EPCAM: variants seen among roughly 807,000 people sequenced by gnomAD.
EPCAM encodes epithelial cell adhesion molecule, also known as adenocarcinoma-associated antigen.
A neutral mutation model predicts 40.0 loss-of-function variants in EPCAM; 39 were observed. The ratio of observed to expected loss-of-function variants is 0.98; its 90% CI spans 0.76 to 1.27. EPCAM has a LOEUF of 1.27. Ranked by LOEUF, EPCAM falls within the 50% of genes most tolerant of loss-of-function variation. EPCAM has a pLI of 0.00. For synonymous variants in EPCAM, 168 were observed against 132.3 expected, an observed-to-expected ratio of 1.27 and a Z score of -1.85; for missense variants, 503 against 381.2, an observed-to-expected ratio of 1.32 and a Z score of -2.66.
At position 47,377,029 on chromosome 2, in the gene EPCAM, G is replaced by C. The variant is rs779059677; in HGVS notation, c.507G>C (p.Glu169Asp). ...TTCTTTACAGTGCACTTCAGAAGGAGATCACAACGCGTTATCAACTGGATC... is the reference window on the plus strand; with the variant it reads ...TTCTTTACAGTGCACTTCAGAAGGACATCACAACGCGTTATCAACTGGATC... ...SKSLRTALQK[E>D]ITTRYQLDPK... The change falls in exon 5 of 9, where the codon GAG becomes GAC. Residue 169 changes from glutamate (E) to aspartate (D), a missense_variant. Glu to Asp is a conservative substitution (Grantham distance 45). Transcript: ENST00000263735. 1 of 1,609,972 alleles carries C rather than the reference G, an allele frequency of 6.2e-7. No individual in the cohort carries two copies.
Position 47,386,732 on chromosome 2 carries a change from A to G in EPCAM, c.*119A>G, listed in dbSNP as rs947668729. 5 of 787,924 alleles carry G rather than the reference A, an allele frequency of 6.3e-6. No individual in the cohort carries two copies. The East Asian group carries it at 1.0e-4, about 16-fold the overall frequency. The allele number at this position is 787,924 out of a possible 1,614,324, so 48.8% of individuals were successfully genotyped here. A position where few individuals can be genotyped will look rare whatever the true frequency, so the allele number is the denominator to read the frequency against. ...TGAGTTTGTTAGTTTAACATCATAT[A>G]TTTGTAATAGTGAAACCTGTACTCA... On this transcript the variant is annotated 3_prime_UTR_variant, in exon 9 of 9. Transcript: ENST00000263735.
chr2:47,374,110 T>C, intron 3 of EPCAM, 62 bp downstream of exon 3: 1 of 1,567,540 alleles, frequency 6.4e-7, no homozygotes, highest in Admixed American at 1.7e-5. Context: ...ATTAAATTTA[T>C]TTTTGATTAT....
intron 8 of EPCAM, 102 bp downstream of exon 8, chr2:47,385,312 C>T: frequency 1.1e-6 from 1 of 948,648 alleles, no homozygotes; most frequent in South Asian, 1.3e-5. Context: ...TACTGGAGTC[C>T]CTTTATACTG....
At chr2:47,369,885 C>G (rs1671177499) in intron 1 of EPCAM, 1 of 500,988 alleles carries the variant, frequency 2.0e-6, no homozygotes, top group Non-Finnish European at 3.8e-6. Context: ...CCTGCGGCCA[C>G]CGAACCGGTG....
rs369607293 is a variant in EPCAM at position 47,373,803 on chromosome 2, T to C, written c.185-5T>C. The C allele has an allele frequency of 3.1e-6, 5 of 1,614,186 alleles. No individual in the cohort carries two copies. Among genetic ancestry groups the C allele is most frequent in the South Asian group, 1.1e-5 (1 of 91,088 alleles). ...TTCAGTTTGGCATTAAGGTTTCTTT[T>C]TCAGTGGCTGCCAAATGTTTGGTGA... is the stretch of plus-strand genomic sequence containing the variant. On this transcript the variant is annotated splice_polypyrimidine_tract_variant and splice_region_variant and intron_variant, in intron 2 of 8. Transcript: ENST00000263735.
At position 47,382,846 on chromosome 2, in the gene EPCAM, G is replaced by A. The variant is rs555228293; in HGVS notation, c.859-2320G>A. Among the ~76,000 whole-genome samples the A allele has an allele frequency of 3.1e-4, 47 of 152,278 alleles. No homozygotes were observed. In the East Asian group the frequency reaches 5.8e-3, roughly 19 times the overall value. On this transcript the variant is annotated intron_variant, in intron 7 of 8. Coordinates refer to ENST00000263735, the MANE Select transcript of EPCAM (RefSeq NM_002354.3). ...TTGGATCTGGAATGGTTGCTATGAT[G>A]TTGATACAAGCTGTGCACAGGTGGT...
chr2:47,383,618 T>C lies in EPCAM; in HGVS notation c.859-1548T>C, dbSNP rs1374293703. ...GTGCCCGGCTTCTTCTTTTTTTTTT[T>C]TTTTTTTTTTTTTTTTTTTTTTTTT... On this transcript the variant is annotated intron_variant, in intron 7 of 8. Coordinates refer to ENST00000263735, the MANE Select transcript of EPCAM (RefSeq NM_002354.3). 3.8e-3 allele frequency among the ~76,000 whole-genome samples: 209 copies of C among 55,240 alleles called. 4 individuals are homozygous for C. Among genetic ancestry groups the C allele is most frequent in the African/African-American group, 6.8e-3 (66 of 9,752 alleles). 36.2% of individuals were successfully genotyped at this position (55,240 alleles called of 152,430 possible).
At chr2:47,370,529 C>T (rs1342976375) in intron 1 of EPCAM, among the ~76,000 whole-genome samples, 4 of 151,566 alleles carry the variant, frequency 2.6e-5, no homozygotes, top group Admixed American at 2.6e-4. Context: ...CCCGCCTCGG[C>T]CTCCCAAAGT....
chr2:47,370,327 A>G lies in EPCAM; in HGVS notation c.76+746A>G, dbSNP rs191119304. ...TGCTCTGTCGCCCAAGCTGGAGTGC[A>G]ATGGCGCGATCTCGGCTCACTGCAA... On this transcript the variant is annotated intron_variant, in intron 1 of 8. Transcript: ENST00000263735. 9.8e-3 allele frequency among the ~76,000 whole-genome samples: 1,492 copies of G among 152,220 alleles called. 30 individuals are homozygous for G. Among genetic ancestry groups the G allele is most frequent in the African/African-American group, 0.032 (1,339 of 41,546 alleles).
At chr2:47,377,857 G>C in intron 5 of EPCAM, 2 of 424,580 alleles carry the variant, frequency 4.7e-6, no homozygotes, top group Non-Finnish European at 9.4e-6. Context: ...AAAGAAGCTT[G>C]AATAGTGTGA....
chr2:47,384,698 C>T lies in EPCAM; in HGVS notation c.859-468C>T, dbSNP rs142184275. Among the ~76,000 whole-genome samples, 37 of 151,810 alleles carry T rather than the reference C, an allele frequency of 2.4e-4. No individual in the cohort carries two copies. In the East Asian group the frequency reaches 4.3e-3, roughly 18 times the overall value. ...CCCACAAAGTACCGGTGAGCCACCACGCCCAGCCCACCTTATTTATTTTTA... is the reference window on the plus strand; with the variant it reads ...CCCACAAAGTACCGGTGAGCCACCATGCCCAGCCCACCTTATTTATTTTTA... On this transcript the variant is annotated intron_variant, in intron 7 of 8. Coordinates refer to ENST00000263735, the MANE Select transcript of EPCAM (RefSeq NM_002354.3).
chr2:47,386,031 C>A (rs959117907), intron 8 of EPCAM, among the ~76,000 whole-genome samples: 1 of 152,164 alleles, frequency 6.6e-6, no homozygotes, highest in East Asian at 1.9e-4. Flanking sequence ...TCCATGTTTC[C>A]TCATCTGTAA....
intron 2 of EPCAM, 34 bp from the exon 3 acceptor site, chr2:47,373,774 A>G (rs1671347155): frequency 6.2e-7 from 1 of 1,613,542 alleles, no homozygotes; most frequent in Non-Finnish European, 8.5e-7. Context: ...GAAATCAGTT[A>G]TTTTTCAGTT....
At position 47,369,454 on chromosome 2, in the gene EPCAM, T is replaced by C; in HGVS notation, c.-52T>C. 7.3e-7 allele frequency: 1 copy of C among 1,363,284 alleles called. No homozygotes were observed. Among genetic ancestry groups the C allele is most frequent in the Non-Finnish European group, 9.4e-7 (1 of 1,065,876 alleles). The allele number at this position is 1,363,284 out of a possible 1,614,324, so 84.4% of individuals were successfully genotyped here. A position where few individuals can be genotyped will look rare whatever the true frequency, so the allele number is the denominator to read the frequency against. ...CGTGTCCCACTCCCGGCGCACGCCC[T>C]CCCGCGAGTCCCGGGCCCCTCCCGC... On this transcript the variant is annotated 5_prime_UTR_variant, in exon 1 of 9. Transcript: ENST00000263735.
intron 7 of EPCAM, 140 bp from the exon 8 acceptor site, chr2:47,385,026 G>T: frequency 2.8e-6 from 2 of 712,648 alleles, no homozygotes; most frequent in Non-Finnish European, 5.1e-6. Context: ...AATTTAAGAA[G>T]CAATAAATGT....
chr2:47,372,620 A>C (rs1429629666), intron 1 of EPCAM, among the ~76,000 whole-genome samples: 2 of 152,078 alleles, frequency 1.3e-5, no homozygotes, highest in Admixed American at 1.3e-4. Context: ...AAAAATACAA[A>C]AATTAGCCAG....
chr2:47,383,727 C>T (rs1161553911), intron 7 of EPCAM, among the ~76,000 whole-genome samples: 3 of 141,468 alleles, frequency 2.1e-5, no homozygotes, highest in Admixed American at 7.3e-5. Flanking sequence ...CTCCATCTCC[C>T]AGGTTCAAGC....
intron 1 of EPCAM, among the ~76,000 whole-genome samples, chr2:47,370,130 C>T (rs1015301451): frequency 6.6e-6 from 1 of 152,212 alleles, no homozygotes; most frequent in South Asian, 2.1e-4. Context: ...TGGGTGTTTT[C>T]CCTTTTCTAA....
At chr2:47,379,084 C>G (rs1055834228) in intron 6 of EPCAM, 30 bp downstream of exon 6, 2 of 1,148,480 alleles carry the variant, frequency 1.7e-6, no homozygotes, top group Non-Finnish European at 2.6e-6. Context: ...TTCCTGTGTT[C>G]AGGAATGTAG....
Sources: gnomAD v4.1 joint callset for allele counts (sites outside exome capture counted in the v4.1 genomes callset) on GRCh38, gnomAD v4.1.1 for gene constraint, MANE v1.5 for transcripts, NCBI Gene and HGNC (gene_info 2026-07-23, HGNC 2026-07-21) for gene names.